DAB2IP: variants seen among roughly 807,000 people sequenced by gnomAD.
DAB2IP encodes the protein DAB2 interacting protein.
DAB2IP carries 28 observed loss-of-function variants against 107.2 expected under a neutral mutation model. That is an observed-to-expected ratio of 0.26 (90% CI 0.19 to 0.36). The LOEUF (loss-of-function observed/expected upper bound fraction) is 0.36, where lower values mean the gene tolerates loss of function less well. Ranked by LOEUF, DAB2IP falls within the 10% of genes least tolerant of loss-of-function variation. The pLI is 1.00. For missense variants in DAB2IP, 1,400 were observed against 1,644.7 expected (o/e 0.85, Z 2.57); for synonymous variants, 755 against 706.4 (o/e 1.07, Z -1.09).
chr9:121,755,443 C>G (rs1833412903), intron 3 of DAB2IP, among the ~76,000 whole-genome samples: 1 of 152,236 alleles, frequency 6.6e-6, no homozygotes. Context: ...TTTCCTCTGG[C>G]TCTGCCCATT....
chr9:121,587,228 G>C (rs1830328697), intron 1 of DAB2IP, among the ~76,000 whole-genome samples: 2 of 151,888 alleles, frequency 1.3e-5, no homozygotes, highest in Non-Finnish European at 1.5e-5. Context: ...CTTCCTGGAA[G>C]AGCGGATTTG....
intron 1 of DAB2IP, among the ~76,000 whole-genome samples, chr9:121,658,106 G>A (rs183411758): frequency 4.6e-5 from 7 of 152,306 alleles, no homozygotes; most frequent in Admixed American, 4.6e-4. Flanking sequence ...GGGAGAGAAT[G>A]GCGATTCAAC....
chr9:121,601,265 C>A (rs1292117639), intron 1 of DAB2IP, among the ~76,000 whole-genome samples: 4 of 152,144 alleles, frequency 2.6e-5, no homozygotes, highest in African/African-American at 9.7e-5. Context: ...CAGAACCTGG[C>A]CCAAAGTCAC....
At chr9:121,622,837 A>G (rs1354600913) in intron 1 of DAB2IP, among the ~76,000 whole-genome samples, 1 of 152,180 alleles carries the variant, frequency 6.6e-6, no homozygotes, top group East Asian at 1.9e-4. Context: ...AGGTTTGGCC[A>G]AGACAGTGAC....
chr9:121,595,097 A>C (rs2118937906), intron 1 of DAB2IP, among the ~76,000 whole-genome samples: 1 of 152,186 alleles, frequency 6.6e-6, no homozygotes, highest in East Asian at 1.9e-4. Context: ...TCATGTTCTT[A>C]AGATTTACTG....
Position 121,782,908 on chromosome 9 carries a change from ACCTGTGGCTTCC to A in DAB2IP, c.*414_*425del. On this transcript the variant is annotated 3_prime_UTR_variant, in exon 16 of 16. Transcript: ENST00000408936. The surrounding 1 kb of genome is among the most constrained non-coding windows in gnomAD (Gnocchi z 6.1). ...GGGGATTCAAGGGCTAGGGGCCTACACCTGTGGCTTCCCCTCGCCTCCTTGGGGGGCCCGGGA... is the reference window on the plus strand; with the variant it reads ...GGGGATTCAAGGGCTAGGGGCCTACACCTCGCCTCCTTGGGGGGCCCGGGA... 1 of 1,030,916 alleles carries A rather than the reference ACCTGTGGCTTCC, an allele frequency of 9.7e-7. No individual in the cohort carries two copies. Among genetic ancestry groups the A allele is most frequent in the Non-Finnish European group, 1.2e-6 (1 of 858,316 alleles). 63.9% of individuals were successfully genotyped at this position (1,030,916 alleles called of 1,614,324 possible).
At chr9:121,735,445 G>C (rs1831830137) in intron 3 of DAB2IP, among the ~76,000 whole-genome samples, 2 of 152,230 alleles carry the variant, frequency 1.3e-5, no homozygotes, top group African/African-American at 4.8e-5. Context: ...ACAGTCTGCA[G>C]CTTAGTAGGA....
chr9:121,734,978 C>G (rs1831792133), intron 3 of DAB2IP, among the ~76,000 whole-genome samples: 1 of 152,206 alleles, frequency 6.6e-6, no homozygotes, highest in Admixed American at 6.5e-5. Context: ...CTGCTTTCGC[C>G]TTCCTTGTTG....
At chr9:121,586,493 G>A (rs1830316657) in intron 1 of DAB2IP, among the ~76,000 whole-genome samples, 1 of 152,114 alleles carries the variant, frequency 6.6e-6, no homozygotes, top group South Asian at 2.1e-4. Flanking sequence ...CCCCTTGCAG[G>A]GAGCTGCAAG....
intron 1 of DAB2IP, among the ~76,000 whole-genome samples, chr9:121,573,984 C>T (rs754902448): frequency 6.6e-6 from 1 of 152,096 alleles, no homozygotes; most frequent in Non-Finnish European, 1.5e-5. Context: ...CATGTCAGCT[C>T]AGCTGGCCAA....
At chr9:121,738,973 C>T (rs1832125566) in intron 3 of DAB2IP, among the ~76,000 whole-genome samples, 1 of 152,212 alleles carries the variant, frequency 6.6e-6, no homozygotes. Flanking sequence ...GTGAAGTTCC[C>T]CTACTGAAAT....
chr9:121,692,648 G>T (rs1379741416), intron 2 of DAB2IP, among the ~76,000 whole-genome samples: 1 of 152,208 alleles, frequency 6.6e-6, no homozygotes, highest in Non-Finnish European at 1.5e-5. Flanking sequence ...GTATGAGATT[G>T]TAGAGGATTC....
intron 1 of DAB2IP, among the ~76,000 whole-genome samples, chr9:121,571,786 G>T (rs1443191699): frequency 6.6e-6 from 1 of 152,094 alleles, no homozygotes; most frequent in Non-Finnish European, 1.5e-5. Flanking sequence ...TGGTCTGGCG[G>T]TGGGAGCCCC....
At chr9:121,693,544 C>T (rs1411928745) in intron 2 of DAB2IP, among the ~76,000 whole-genome samples, 1 of 152,222 alleles carries the variant, frequency 6.6e-6, no homozygotes, top group South Asian at 2.1e-4. Flanking sequence ...TTCTCCAAGG[C>T]TCTCTCTTTG....
chr9:121,581,825 G>A (rs1187582664), intron 1 of DAB2IP, among the ~76,000 whole-genome samples: 2 of 152,186 alleles, frequency 1.3e-5, no homozygotes, highest in Non-Finnish European at 2.9e-5. Flanking sequence ...TCGAGCAGAG[G>A]AGGGACAGGT....
chr9:121,697,738 C>A (rs1209906989), intron 2 of DAB2IP, among the ~76,000 whole-genome samples: 1 of 152,198 alleles, frequency 6.6e-6, no homozygotes, highest in East Asian at 1.9e-4. Context: ...GGTGAGGTAT[C>A]ATTTCAGCTG....
chr9:121,683,096 A>G (rs1429060164), intron 2 of DAB2IP, among the ~76,000 whole-genome samples: 1 of 152,146 alleles, frequency 6.6e-6, no homozygotes, highest in South Asian at 2.1e-4. Context: ...GAAGGAGGGA[A>G]GGGTGGCAGG....
chr9:121,642,016 T>TCC (rs1832348462), intron 1 of DAB2IP, among the ~76,000 whole-genome samples: 1 of 29,436 alleles, frequency 3.4e-5, no homozygotes, highest in African/African-American at 1.5e-4. Flanking sequence ...TCTCTCTCTC[T>TCC]CTCTCTCTCT....
intron 1 of DAB2IP, among the ~76,000 whole-genome samples, chr9:121,624,837 A>G (rs1008392707): frequency 6.6e-6 from 1 of 152,254 alleles, no homozygotes; most frequent in African/African-American, 2.4e-5. Flanking sequence ...TTACTGAGAA[A>G]GTTAAAAGAC....
Sources: gnomAD v4.1 joint callset for allele counts (sites outside exome capture counted in the v4.1 genomes callset) on GRCh38, gnomAD v4.1.1 for gene constraint, Gnocchi (gnomAD v3.1) non-coding constraint, MANE v1.5 for transcripts, NCBI Gene and HGNC (gene_info 2026-07-23, HGNC 2026-07-21) for gene names.